The following TOX3 variants were observed in gnomAD, a reference collection of about 807,000 sequenced individuals.
TOX3 encodes the protein CAG trinucleotide repeat-containing gene F9 protein.
In TOX3, 22 loss-of-function variants were observed where a neutral mutation model predicts 64.3. The ratio of observed to expected loss-of-function variants is 0.34; its 90% confidence interval spans 0.24 to 0.49. The LOEUF (loss-of-function observed/expected upper bound fraction) is 0.49. TOX3 is among the 20% of genes least tolerant of loss of function. The pLI is 0.99. For missense variants in TOX3, 661 were observed against 714.4 expected (o/e 0.93, Z 0.85); for synonymous variants, 291 against 273.6 (o/e 1.06, Z -0.63).
At chr16:52,526,286 A>C (rs1330364344) in intron 1 of TOX3, among the ~76,000 whole-genome samples, 1 of 152,320 alleles carries the variant, frequency 6.6e-6, no homozygotes, top group East Asian at 1.9e-4. Flanking sequence ...CCAAGGCAGG[A>C]GATTACGAAG....
At chr16:52,474,059 A>G (rs1961134256) in intron 1 of TOX3, among the ~76,000 whole-genome samples, 4 of 152,178 alleles carry the variant, frequency 2.6e-5, no homozygotes, top group Non-Finnish European at 4.4e-5. Flanking sequence ...ATTGGATGTC[A>G]GTAAACATCT....
At chr16:52,520,993 C>T (rs1962594676) in intron 1 of TOX3, among the ~76,000 whole-genome samples, 1 of 152,070 alleles carries the variant, frequency 6.6e-6, no homozygotes, top group Admixed American at 6.6e-5. Flanking sequence ...TAGCACATAA[C>T]TATCAAAATA....
intron 2 of TOX3, among the ~76,000 whole-genome samples, chr16:52,466,459 T>TA (rs543579313): frequency 1.1e-3 from 165 of 152,286 alleles, no homozygotes; most frequent in African/African-American, 3.6e-3. Context: ...ATTAAAATGT[T>TA]AAAAAACCAA....
rs45491795 is a variant in TOX3, at chr16:52,545,239, G to A, written c.87+1398C>T. Among the ~76,000 whole-genome samples, 312 of 152,216 alleles carry A rather than the reference G, an allele frequency of 2.0e-3. 1 individual carries two copies. Among genetic ancestry groups the A allele is most frequent in the Non-Finnish European group, 3.6e-3 (242 of 68,014 alleles). ...ATGCTTAGCGTAGCCCTTAGAATTC[G>A]GAGAGCAGGAACGCTCCAACCACCA... On this transcript the variant is annotated intron_variant, in intron 1 of 6. Coordinates refer to ENST00000219746, the MANE Select transcript of TOX3 (RefSeq NM_001080430.4).
At chr16:52,452,400 C>T (rs1351308339) in intron 3 of TOX3, among the ~76,000 whole-genome samples, 1 of 151,994 alleles carries the variant, frequency 6.6e-6, no homozygotes, top group Middle Eastern at 3.2e-3. Flanking sequence ...ATCCATGTAC[C>T]TATAAAGGAC....
chr16:52,481,066 C>A (rs1961357659), intron 1 of TOX3, among the ~76,000 whole-genome samples: 1 of 152,270 alleles, frequency 6.6e-6, no homozygotes, highest in Non-Finnish European at 1.5e-5. Flanking sequence ...GACTGAGAAA[C>A]TCTGATATAG....
At chr16:52,485,831 CT>C (rs1961515956) in intron 1 of TOX3, among the ~76,000 whole-genome samples, 1 of 152,064 alleles carries the variant, frequency 6.6e-6, no homozygotes, top group Non-Finnish European at 1.5e-5. Context: ...ATCCCAGGAA[CT>C]TCCTTTGGAG....
intron 4 of TOX3, among the ~76,000 whole-genome samples, chr16:52,448,207 A>T (rs1469133552): frequency 1.3e-5 from 2 of 152,194 alleles, no homozygotes; most frequent in African/African-American, 2.4e-5. Context: ...CCCCAAAGAG[A>T]CATAATCAAT....
intron 1 of TOX3, among the ~76,000 whole-genome samples, chr16:52,500,640 T>C (rs546782560): frequency 6.6e-6 from 1 of 152,318 alleles, no homozygotes; most frequent in African/African-American, 2.4e-5. Flanking sequence ...TGCCAATATA[T>C]CTTAATTATA....
At position 52,462,643 on chromosome 16, in the gene TOX3, C is replaced by G. The variant is rs138427252; in HGVS notation, c.408+1291G>C. Reference sequence around the variant, plus strand: ...CAAACTCCCTTGGTGACTAAACACACCCATTTTATTTTTATTCTTTTCTAA... The same window carrying G: ...CAAACTCCCTTGGTGACTAAACACAGCCATTTTATTTTTATTCTTTTCTAA... On this transcript the variant is annotated intron_variant, in intron 3 of 6. Coordinates refer to ENST00000219746, the MANE Select transcript of TOX3 (RefSeq NM_001080430.4). Among the ~76,000 whole-genome samples the G allele has an allele frequency of 8.0e-3, 1,213 of 152,172 alleles. 19 individuals carry two copies. The highest frequency in any genetic ancestry group is 0.028 in the African/African-American group (1,151 of 41,530).
At chr16:52,478,157 C>G (rs1187562661) in intron 1 of TOX3, among the ~76,000 whole-genome samples, 1 of 152,144 alleles carries the variant, frequency 6.6e-6, no homozygotes, top group African/African-American at 2.4e-5. Flanking sequence ...CAATGGCTTC[C>G]CAAAGACACT....
chr16:52,448,791 C>T (rs1420543), intron 4 of TOX3, among the ~76,000 whole-genome samples: 5,441 of 151,528 alleles, frequency 0.036, 246 homozygotes, highest in African/African-American at 0.11. Flanking sequence ...TTCTCATCCA[C>T]GTGCTGATGG....
intron 1 of TOX3, among the ~76,000 whole-genome samples, chr16:52,537,269 G>C (rs894742070): frequency 5.3e-5 from 8 of 151,930 alleles, no homozygotes; most frequent in East Asian, 1.9e-4. Flanking sequence ...AGACATTCTA[G>C]TGTCTCCACA....
chr16:52,530,868 C>A (rs537961095), intron 1 of TOX3, among the ~76,000 whole-genome samples: 2 of 152,202 alleles, frequency 1.3e-5, no homozygotes, highest in African/African-American at 4.8e-5. Flanking sequence ...CAAGCTTCAC[C>A]CTAATAATCA....
At chr16:52,537,690 T>C (rs1962984269) in intron 1 of TOX3, among the ~76,000 whole-genome samples, 1 of 152,010 alleles carries the variant, frequency 6.6e-6, no homozygotes, top group African/African-American at 2.4e-5. Context: ...GCTCCCCCAC[T>C]GGTATGCCTA....
chr16:52,525,823 A>G (rs1434821435), intron 1 of TOX3, among the ~76,000 whole-genome samples: 2 of 152,192 alleles, frequency 1.3e-5, no homozygotes, highest in Admixed American at 1.3e-4. Flanking sequence ...CAAAAGGAAA[A>G]CGATTAGGAA....
chr16:52,510,915 G>A (rs1019089347), intron 1 of TOX3, among the ~76,000 whole-genome samples: 1 of 152,020 alleles, frequency 6.6e-6, no homozygotes, highest in Non-Finnish European at 1.5e-5. Flanking sequence ...CTAAATTTTG[G>A]ATGCCACTAT....
Position 52,526,993 on chromosome 16 carries a change from C to T in TOX3, c.87+19644G>A, listed in dbSNP as rs115360687. Among the ~76,000 whole-genome samples the T allele has an allele frequency of 2.8e-3, 433 of 152,186 alleles. 2 individuals carry two copies. Among genetic ancestry groups the T allele is most frequent in the African/African-American group, 9.7e-3 (401 of 41,534 alleles). ...GTGCTGGGCACTAAACACATAGCAG[C>T]GAACAAACGAAACACAGCGGTCACT... On this transcript the variant is annotated intron_variant, in intron 1 of 6. Transcript: ENST00000219746.
chr16:52,525,195 T>G (rs1567350887), intron 1 of TOX3, among the ~76,000 whole-genome samples: 1 of 152,134 alleles, frequency 6.6e-6, no homozygotes, highest in Non-Finnish European at 1.5e-5. Flanking sequence ...GATGATATTT[T>G]GTGGGTGGAG....
Sources: allele counts gnomAD v4.1 joint callset (sites outside exome capture counted in the v4.1 genomes callset), GRCh38; gene constraint gnomAD v4.1.1; transcripts MANE v1.5; gene names NCBI Gene and HGNC (gene_info 2026-07-23, HGNC 2026-07-21).